The following MARCHF4 variants were observed in gnomAD, a reference collection of about 807,000 sequenced individuals.
MARCHF4 encodes the protein membrane associated ring-CH-type finger 4.
Under a neutral mutation model 43.9 loss-of-function variants are expected in MARCHF4, and 14 were observed. That is an observed-to-expected ratio of 0.32 (90% confidence interval 0.21 to 0.50). MARCHF4 has a LOEUF of 0.50. Ranked by LOEUF, MARCHF4 falls within the 20% of genes least tolerant of loss-of-function variation. MARCHF4 has a pLI of 0.98. For synonymous variants in MARCHF4, 226 were observed against 213.3 expected (o/e 1.06, Z -0.52); for missense variants, 468 against 536.7 (o/e 0.87, Z 1.27).
chr2:216,368,579 C>A (rs1382050858), intron 1 of MARCHF4, among the ~76,000 whole-genome samples: 3 of 152,220 alleles, frequency 2.0e-5, no homozygotes, highest in Non-Finnish European at 4.4e-5. Context: ...GCTAAGCCTG[C>A]ATCTTACAGA....
chr2:216,335,128 T>A (rs1692138295), intron 1 of MARCHF4, among the ~76,000 whole-genome samples: 1 of 152,174 alleles, frequency 6.6e-6, no homozygotes, highest in Non-Finnish European at 1.5e-5. Context: ...AAAGAAGGTA[T>A]CAGTGACAGA....
At chr2:216,316,868 G>A (rs1239447136) in intron 1 of MARCHF4, among the ~76,000 whole-genome samples, 1 of 152,180 alleles carries the variant, frequency 6.6e-6, no homozygotes, top group Admixed American at 6.5e-5. Context: ...GGGATGAGGA[G>A]AGACTAGTCA....
intron 1 of MARCHF4, among the ~76,000 whole-genome samples, chr2:216,337,583 A>G (rs1559102725): frequency 6.6e-6 from 1 of 151,854 alleles, no homozygotes; most frequent in Admixed American, 6.5e-5. Context: ...AAAAAGAAAA[A>G]AGAGTTTTTA....
At chr2:216,342,177 G>A (rs948275972) in intron 1 of MARCHF4, among the ~76,000 whole-genome samples, 2 of 152,178 alleles carry the variant, frequency 1.3e-5, no homozygotes, top group Admixed American at 6.5e-5. Flanking sequence ...TTGCCCATAT[G>A]CCCTCTGAGA....
rs1481646973 is a variant in MARCHF4 at position 216,284,134 on chromosome 2, A to C, written c.517-405T>G. The stretch of plus-strand genomic sequence containing the variant: ...AGGACAGACAGGCAACAGAGATAAC[A>C]AAAGCTAGCTAGTGGAGACTGAATT... On this transcript the variant is annotated intron_variant, in intron 1 of 3. Transcript: ENST00000273067. 2.0e-5 allele frequency among the ~76,000 whole-genome samples: 3 copies of C among 152,280 alleles called. No homozygotes were observed. In the East Asian group the frequency reaches 5.8e-4, roughly 29 times the overall value.
chr2:216,271,186 C>T (rs1690929451), intron 3 of MARCHF4, among the ~76,000 whole-genome samples: 1 of 152,164 alleles, frequency 6.6e-6, no homozygotes, highest in Non-Finnish European at 1.5e-5. Flanking sequence ...TGCTCCAAGC[C>T]CCTTGCCCAT....
intron 3 of MARCHF4, among the ~76,000 whole-genome samples, chr2:216,274,155 G>T (rs1028404120): frequency 6.6e-6 from 1 of 152,172 alleles, no homozygotes; most frequent in African/African-American, 2.4e-5. Flanking sequence ...TGATGCTCAG[G>T]TGGACCCTAT....
At chr2:216,338,432 G>T (rs1371587275) in intron 1 of MARCHF4, among the ~76,000 whole-genome samples, 1 of 152,196 alleles carries the variant, frequency 6.6e-6, no homozygotes, top group East Asian at 1.9e-4. Context: ...AGCAACTGCA[G>T]GTAGTAGCTT....
intron 2 of MARCHF4, among the ~76,000 whole-genome samples, 196 bp downstream of exon 2, chr2:216,283,378 G>C (rs1691163052): frequency 6.6e-6 from 1 of 151,568 alleles, no homozygotes; most frequent in Admixed American, 6.6e-5. Flanking sequence ...TCTTCTTCTT[G>C]CTGAAGCTTA....
Position 216,259,513 on chromosome 2 carries a change from GA to G in MARCHF4, c.1031del (p.Ile344ThrfsTer42). 1 of 1,614,212 alleles carries G rather than the reference GA, an allele frequency of 6.2e-7. No homozygotes were observed. The highest frequency in any genetic ancestry group is 8.5e-7 in the Non-Finnish European group (1 of 1,180,018). On this transcript the variant is annotated frameshift_variant, in exon 4 of 4. Coordinates refer to ENST00000273067, the MANE Select transcript of MARCHF4 (RefSeq NM_020814.3). LOFTEE classifies it high-confidence loss of function. Reference sequence around the variant, plus strand: ...CTGCGGTCTCCTCTTCCGAGGAGGGGATATTGGCCTGGGTGGATGAGGAGGT... The same window carrying G: ...CTGCGGTCTCCTCTTCCGAGGAGGGGTATTGGCCTGGGTGGATGAGGAGGT... ...PRTSSSTQAN[I>X]PSSEEETAGT... is the part of the protein sequence containing the mutation.
chr2:216,315,913 A>G (rs548447025), intron 1 of MARCHF4, among the ~76,000 whole-genome samples: 1 of 152,272 alleles, frequency 6.6e-6, no homozygotes, highest in South Asian at 2.1e-4. Flanking sequence ...GATCCCATCT[A>G]TTTCGCTTCC....
chr2:216,322,986 A>T (rs1333354017), intron 1 of MARCHF4, among the ~76,000 whole-genome samples: 1 of 152,230 alleles, frequency 6.6e-6, no homozygotes, highest in Non-Finnish European at 1.5e-5. Flanking sequence ...GAAAGAAGCT[A>T]CTAATGCCTC....
At chr2:216,282,978 C>A (rs1370408664) in intron 2 of MARCHF4, among the ~76,000 whole-genome samples, 1 of 142,468 alleles carries the variant, frequency 7.0e-6, no homozygotes, top group African/African-American at 3.1e-5. Context: ...CCAGACCTAC[C>A]GAATACAACA....
chr2:216,365,451 C>T (rs931767801), intron 1 of MARCHF4, among the ~76,000 whole-genome samples: 1 of 152,192 alleles, frequency 6.6e-6, no homozygotes, highest in South Asian at 2.1e-4. Flanking sequence ...CCACAGCTGC[C>T]TAGCTGGGAG....
At chr2:216,361,651 T>A (rs1217205199) in intron 1 of MARCHF4, among the ~76,000 whole-genome samples, 1 of 152,192 alleles carries the variant, frequency 6.6e-6, no homozygotes, top group East Asian at 1.9e-4. Flanking sequence ...AGGACAGAGT[T>A]CAGCTGAATC....
chr2:216,322,951 G>A (rs1043037154), intron 1 of MARCHF4, among the ~76,000 whole-genome samples: 10 of 152,190 alleles, frequency 6.6e-5, no homozygotes, highest in Non-Finnish European at 1.5e-4. Context: ...TACTATTAAG[G>A]CCAAGAAAGT....
chr2:216,272,463 A>G (rs1192746076), intron 3 of MARCHF4, among the ~76,000 whole-genome samples: 1 of 152,134 alleles, frequency 6.6e-6, no homozygotes, highest in Non-Finnish European at 1.5e-5. Flanking sequence ...TTTCCCCCCA[A>G]CCTGCCTCCC....
At chr2:216,269,032 T>TA (rs201279975) in intron 3 of MARCHF4, among the ~76,000 whole-genome samples, 139 of 151,030 alleles carry the variant, frequency 9.2e-4, no homozygotes, top group African/African-American at 2.8e-3. Flanking sequence ...AGAGGAAGCT[T>TA]AAAAAAAAAC....
intron 1 of MARCHF4, among the ~76,000 whole-genome samples, chr2:216,298,852 C>T (rs1203768623): frequency 6.6e-6 from 1 of 152,156 alleles, no homozygotes; most frequent in Non-Finnish European, 1.5e-5. Context: ...AGGTCCTGTC[C>T]ATGTGTTTCC....
Sources: gnomAD v4.1 joint callset for allele counts (sites outside exome capture counted in the v4.1 genomes callset) on GRCh38, gnomAD v4.1.1 for gene constraint, MANE v1.5 for transcripts, NCBI Gene and HGNC (gene_info 2026-07-23, HGNC 2026-07-21) for gene names.